MYO19: variants seen among roughly 807,000 people sequenced by gnomAD.
MYO19 encodes myosin XIX.
In MYO19, 132 loss-of-function variants were observed where a neutral mutation model predicts 129.2. The ratio of observed to expected loss-of-function variants is 1.02; its 90% confidence interval spans 0.89 to 1.18. MYO19 has a LOEUF of 1.18. Ranked by LOEUF, MYO19 falls within the 50% of genes most tolerant of loss-of-function variation. The pLI, the probability that MYO19 is intolerant of heterozygous loss-of-function variation, is 0.00. For synonymous variants in MYO19, 531 were observed against 477.2 expected (o/e 1.11, Z -1.47); for missense variants, 1,210 against 1,216.7 (o/e 0.99, Z 0.08).
upstream of MYO19, chr17:36,543,573 T>C (rs556472411): frequency 1.4e-3 from 209 of 152,354 alleles, 1 homozygote; most frequent in Non-Finnish European, 2.5e-3. Flanking sequence ...TGGCTAAGGG[T>C]GCACTATGGG....
Position 36,503,973 on chromosome 17 carries a change from G to T in MYO19, c.1953C>A (p.Ile651=). The change falls in exon 20 of 26, where the codon ATC becomes ATA. Residue 651 remains isoleucine (I), a synonymous_variant. Transcript: ENST00000614623. ...ACCGGATGGGGAAGCCAGCAGCACTGATATGGATGGTCTCCACGAGGCCAC... is the reference window on the plus strand; with the variant it reads ...ACCGGATGGGGAAGCCAGCAGCACTTATATGGATGGTCTCCACGAGGCCAC... ...EACGLVETIH[I]SAAGFPIRVS... is the part of the protein sequence containing the mutation. The T allele has an allele frequency of 1.9e-6, 3 of 1,592,498 alleles. No individual in the cohort carries two copies. Among genetic ancestry groups the T allele is most frequent in the Non-Finnish European group, 1.7e-6 (2 of 1,170,838 alleles).
At chr17:36,539,569 T>C (rs1454986232), upstream of MYO19, among the ~76,000 whole-genome samples, 2 of 151,084 alleles carry the variant, frequency 1.3e-5, no homozygotes, top group African/African-American at 2.4e-5. Flanking sequence ...GGCCCAGGAG[T>C]TCAAGACCAT....
chr17:36,509,298 T>A (rs955864687), intron 13 of MYO19, 163 bp from the exon 14 acceptor site: 2 of 645,932 alleles, frequency 3.1e-6, no homozygotes, highest in Admixed American at 2.4e-5. Context: ...GCCTATCACG[T>A]CTTGACCTAC....
chr17:36,530,044 G>C (rs1273722550), intron 3 of MYO19, among the ~76,000 whole-genome samples: 1 of 152,152 alleles, frequency 6.6e-6, no homozygotes, highest in Non-Finnish European at 1.5e-5. Flanking sequence ...GCAAGACCTT[G>C]TCTCTAAAGT....
chr17:36,538,174 A>G, upstream of MYO19: 2 of 1,613,882 alleles, frequency 1.2e-6, no homozygotes, highest in Non-Finnish European at 1.7e-6. Context: ...TACGTAGTTC[A>G]AGTAAATGTA....
chr17:36,533,257 T>C (rs1331057535), intron 2 of MYO19: 1 of 152,326 alleles, frequency 6.6e-6, no homozygotes, highest in Non-Finnish European at 1.5e-5. Context: ...CGAATCTGAG[T>C]ATTCACTCAG....
At chr17:36,535,670 T>G (rs2074096042), upstream of MYO19, 1 of 152,324 alleles carries the variant, frequency 6.6e-6, no homozygotes, top group African/African-American at 2.4e-5. Flanking sequence ...TATGTTTATT[T>G]TTTAAGAGAC....
chr17:36,495,728 TA>T lies in MYO19; in HGVS notation c.*522del. 8.0e-7 allele frequency: 1 copy of T among 1,247,724 alleles called. No homozygotes were observed. The highest frequency in any genetic ancestry group is 3.8e-5 in the Admixed American group (1 of 26,064). 77.3% of individuals were successfully genotyped at this position (1,247,724 alleles called of 1,614,324 possible). A position where few individuals can be genotyped will look rare whatever the true frequency, so the allele number is the denominator to read the frequency against. ...ATATGGAGTTAAACTTGGTCAGTGT[TA>T]ATAAAATCAAAACGTGATTCTACTG... On this transcript the variant is annotated 3_prime_UTR_variant, in exon 26 of 26. Coordinates refer to ENST00000614623, the MANE Select transcript of MYO19 (RefSeq NM_001163735.2).
At chr17:36,501,950 G>C (rs1343292008) in intron 21 of MYO19, 1 of 152,468 alleles carries the variant, frequency 6.6e-6, no homozygotes, top group Non-Finnish European at 1.5e-5. Context: ...AATCAACCAG[G>C]GGCCAGAAGG....
intron 5 of MYO19, 58 bp downstream of exon 5, chr17:36,527,493 A>G (rs1248492784): frequency 1.3e-6 from 2 of 1,569,228 alleles, no homozygotes; most frequent in Admixed American, 1.9e-5. Context: ...GGTAACTGCA[A>G]AGAGGTTTAG....
At chr17:36,514,295 C>G in intron 9 of MYO19, 151 bp downstream of exon 9, 1 of 636,464 alleles carries the variant, frequency 1.6e-6, no homozygotes. Flanking sequence ...GGCAGAAGTG[C>G]TGCATGTAAA....
At chr17:36,537,760 T>G (rs1240854434), upstream of MYO19, 1 of 1,614,192 alleles carries the variant, frequency 6.2e-7, no homozygotes, top group East Asian at 2.2e-5. Context: ...TTAGCCATTA[T>G]AAAATCAATA....
At chr17:36,516,423 T>A (rs1361771494) in intron 6 of MYO19, among the ~76,000 whole-genome samples, 2 of 151,926 alleles carry the variant, frequency 1.3e-5, no homozygotes, top group East Asian at 3.9e-4. Context: ...CAGGCTGGAG[T>A]GCAATGGCAC....
rs141901326 is a variant in MYO19, at chr17:36,507,328, G to C, written c.1467+71C>G. 2.1e-4 allele frequency: 308 copies of C among 1,480,724 alleles called. 1 individual carries two copies. The African/African-American group carries it at 3.7e-3, about 18-fold the overall frequency. The allele number at this position is 1,480,724 out of a possible 1,614,324, so 91.7% of individuals were successfully genotyped here. ...AGGAGAGAGGCACAGAGAGGAAACA[G>C]GATAATCATCAAGGCCCCAGAAAAC... On this transcript the variant is annotated intron_variant, in intron 16 of 25. Transcript: ENST00000614623.
At chr17:36,522,247 C>A (rs967285434) in intron 6 of MYO19, among the ~76,000 whole-genome samples, 1 of 150,354 alleles carries the variant, frequency 6.7e-6, no homozygotes, top group South Asian at 2.1e-4. Context: ...TGGTGGCTCA[C>A]GCCTGTAATC....
upstream of MYO19, chr17:36,543,507 C>A (rs924125404): frequency 6.6e-6 from 1 of 152,172 alleles, no homozygotes; most frequent in African/African-American, 2.4e-5. Flanking sequence ...AACAATGGTT[C>A]TTCGTTTATT....
At chr17:36,528,372 A>G (rs1389746539) in intron 3 of MYO19, among the ~76,000 whole-genome samples, 170 bp from the exon 4 acceptor site, 2 of 152,126 alleles carry the variant, frequency 1.3e-5, no homozygotes, top group Non-Finnish European at 2.9e-5. Context: ...TTAGCCAGGC[A>G]TGGTGGCGGG....
Position 36,507,262 on chromosome 17 carries a change from G to GA in MYO19, c.1468-124dup, listed in dbSNP as rs2071975590. On this transcript the variant is annotated intron_variant, in intron 16 of 25. Coordinates refer to ENST00000614623, the MANE Select transcript of MYO19 (RefSeq NM_001163735.2). The stretch of plus-strand genomic sequence containing the variant: ...CACAGGCATCATAGTGTCCCCAACA[G>GA]AAAAAATATAGCAATTAGCAGATCT... The GA allele has an allele frequency of 3.5e-6, 5 of 1,447,066 alleles. No individual in the cohort carries two copies. The South Asian group carries it at 3.7e-5, about 11-fold the overall frequency. The allele number at this position is 1,447,066 out of a possible 1,614,324, so 89.6% of individuals were successfully genotyped here.
At chr17:36,516,039 T>G in intron 6 of MYO19, 49 bp from the exon 7 acceptor site, 1 of 1,553,760 alleles carries the variant, frequency 6.4e-7, no homozygotes, top group Non-Finnish European at 8.7e-7. Flanking sequence ...TCCCGCCCAC[T>G]TCTGAGCCTG....
Sources: gnomAD v4.1 joint callset for allele counts (sites outside exome capture counted in the v4.1 genomes callset) on GRCh38, gnomAD v4.1.1 for gene constraint, MANE v1.5 for transcripts, NCBI Gene and HGNC (gene_info 2026-07-23, HGNC 2026-07-21) for gene names.